Variants in DLGAP2 observed in about 807,000 individuals in gnomAD.
The protein encoded by DLGAP2 is disks large-associated protein 2.
Under a neutral mutation model 100.3 loss-of-function variants are expected in DLGAP2, and 26 were observed. The observed-to-expected ratio is 0.26, with a 90% CI of 0.19 to 0.36. The LOEUF (loss-of-function observed/expected upper bound fraction) is 0.36. DLGAP2 is among the 10% of genes least tolerant of loss of function. DLGAP2 has a pLI of 1.00. For synonymous variants in DLGAP2, 886 were observed against 630.1 expected, an observed-to-expected ratio of 1.41 and a Z score of -6.08; for missense variants, 1,858 against 1,453.2, an observed-to-expected ratio of 1.28 and a Z score of -4.53.
At chr8:852,092 A>G (rs1484168816) in intron 1 of DLGAP2, among the ~76,000 whole-genome samples, 1 of 152,200 alleles carries the variant, frequency 6.6e-6, no homozygotes, top group Non-Finnish European at 1.5e-5. Context: ...GCTTTGGTGT[A>G]AATTTTGATT....
At chr8:1,214,995 T>C (rs548034545) in intron 2 of DLGAP2, among the ~76,000 whole-genome samples, 1 of 152,354 alleles carries the variant, frequency 6.6e-6, no homozygotes, top group East Asian at 1.9e-4. Context: ...CTCTGTGCTC[T>C]TGTATCTCAC....
intron 4 of DLGAP2, among the ~76,000 whole-genome samples, chr8:1,533,741 C>G (rs545374651): frequency 1.1e-4 from 17 of 152,128 alleles, no homozygotes; most frequent in African/African-American, 3.4e-4. Flanking sequence ...ATCAATAGTA[C>G]CTTAAAAATA....
At chr8:1,002,964 A>C (rs1001489861) in intron 2 of DLGAP2, 1 of 152,230 alleles carries the variant, frequency 6.6e-6, no homozygotes, top group African/African-American at 2.4e-5. Flanking sequence ...TGGGATAAAA[A>C]TCCTTTATAA....
At chr8:1,524,635 T>C (rs1018523510) in intron 4 of DLGAP2, among the ~76,000 whole-genome samples, 2 of 152,090 alleles carry the variant, frequency 1.3e-5, no homozygotes, top group Non-Finnish European at 2.9e-5. Context: ...CCATATCATC[T>C]TCTCAAAAAA....
chr8:852,956 G>T (rs1349549362), intron 1 of DLGAP2, among the ~76,000 whole-genome samples: 1 of 152,234 alleles, frequency 6.6e-6, no homozygotes, highest in East Asian at 1.9e-4. Context: ...CATGACGCTG[G>T]ATCTTCGCAG....
rs1371892121 is a variant in DLGAP2, at chr8:771,213, A to G, written c.18+33388A>G. Among the ~76,000 whole-genome samples, 5 of 152,230 alleles carry G rather than the reference A, an allele frequency of 3.3e-5. No homozygotes were observed. The East Asian group carries it at 5.8e-4, about 18-fold the overall frequency. On this transcript the variant is annotated intron_variant, in intron 1 of 14. Coordinates refer to ENST00000637795, the MANE Select transcript of DLGAP2 (RefSeq NM_001346810.2). ...TCATGCATATTGCTACTTTCTGTCC[A>G]CATCTACTTGCAAATGTCCTTAAGA...
chr8:1,271,598 A>G (rs921644856), intron 3 of DLGAP2, among the ~76,000 whole-genome samples: 2 of 152,160 alleles, frequency 1.3e-5, no homozygotes, highest in African/African-American at 2.4e-5. Flanking sequence ...AAATACAGCA[A>G]TGGTTGTACT....
chr8:867,475 A>T (rs1051950381), intron 1 of DLGAP2, among the ~76,000 whole-genome samples: 1 of 152,194 alleles, frequency 6.6e-6, no homozygotes, highest in Non-Finnish European at 1.5e-5. Flanking sequence ...CCTTCTTTCG[A>T]TACCCAAACT....
chr8:756,319 G>A (rs1256026135), intron 1 of DLGAP2, among the ~76,000 whole-genome samples: 1 of 152,124 alleles, frequency 6.6e-6, no homozygotes, highest in African/African-American at 2.4e-5. Flanking sequence ...GGGCAGGTTG[G>A]GGCTGACGGC....
intron 1 of DLGAP2, among the ~76,000 whole-genome samples, chr8:796,377 T>C (rs1292316199): frequency 6.6e-6 from 1 of 152,128 alleles, no homozygotes; most frequent in African/African-American, 2.4e-5. Flanking sequence ...CCGAACTGAC[T>C]TCTGCCTTTC....
At chr8:1,541,520 G>A (rs1584907532) in intron 4 of DLGAP2, among the ~76,000 whole-genome samples, 2 of 152,138 alleles carry the variant, frequency 1.3e-5, no homozygotes, top group African/African-American at 4.8e-5. Flanking sequence ...TGATGCTGAG[G>A]TATAGCCTCG....
intron 6 of DLGAP2, among the ~76,000 whole-genome samples, chr8:1,599,489 A>C (rs755557003): frequency 2.2e-4 from 34 of 152,098 alleles, no homozygotes; most frequent in Non-Finnish European, 2.2e-4. Flanking sequence ...ATTGTATGGG[A>C]GTCTAAGTCT....
In DLGAP2 at chr8:1,495,279, G is replaced by A. The variant is rs1182324848; in HGVS notation, c.107-6087G>A. 3.9e-5 allele frequency among the ~76,000 whole-genome samples: 6 copies of A among 152,064 alleles called. No homozygotes were observed. In the East Asian group the frequency reaches 5.8e-4, roughly 15 times the overall value. ...GCGACACCAGACAGCCAGTGCCAGC[G>A]TGCCAGGGCTGGCTCAGATGCCCGG... is the stretch of plus-strand genomic sequence containing the variant. On this transcript the variant is annotated intron_variant, in intron 3 of 14. Coordinates refer to ENST00000637795, the MANE Select transcript of DLGAP2 (RefSeq NM_001346810.2).
At chr8:1,426,725 A>G (rs1797246846) in intron 3 of DLGAP2, among the ~76,000 whole-genome samples, 1 of 152,204 alleles carries the variant, frequency 6.6e-6, no homozygotes, top group Non-Finnish European at 1.5e-5. Context: ...GTTAGTAAAA[A>G]CATATGCAAG....
intron 1 of DLGAP2, among the ~76,000 whole-genome samples, chr8:781,948 A>C (rs1221425376): frequency 6.6e-6 from 1 of 152,144 alleles, no homozygotes; most frequent in East Asian, 1.9e-4. Flanking sequence ...GGATGGAGAG[A>C]GGCTGATTAA....
In DLGAP2 at chr8:1,424,018, G is replaced by C. The variant is rs533521249; in HGVS notation, c.107-77348G>C. 1.1e-4 allele frequency among the ~76,000 whole-genome samples: 16 copies of C among 152,358 alleles called. No individual in the cohort carries two copies. The East Asian group carries it at 2.5e-3, about 24-fold the overall frequency. ...AAAAATAGCAGCCGGATTATTCAAAGCTCGTATCAGGCAGCCAGTTGGATG... is the reference window on the plus strand; with the variant it reads ...AAAAATAGCAGCCGGATTATTCAAACCTCGTATCAGGCAGCCAGTTGGATG... On this transcript the variant is annotated intron_variant, in intron 3 of 14. Transcript: ENST00000637795.
intron 6 of DLGAP2, among the ~76,000 whole-genome samples, chr8:1,581,987 C>G (rs1308754200): frequency 6.6e-6 from 1 of 151,062 alleles, no homozygotes; most frequent in Non-Finnish European, 1.5e-5. Context: ...ATGTACACAC[C>G]ACAGTCAAAC....
chr8:1,320,599 C>T (rs1800873757), intron 3 of DLGAP2, among the ~76,000 whole-genome samples: 1 of 152,196 alleles, frequency 6.6e-6, no homozygotes, highest in South Asian at 2.1e-4. Flanking sequence ...GCTCTCTCAA[C>T]TTCTCGAACA....
intron 1 of DLGAP2, among the ~76,000 whole-genome samples, chr8:760,356 A>G (rs936438742): frequency 7.2e-5 from 11 of 151,812 alleles, no homozygotes; most frequent in African/African-American, 1.7e-4. Flanking sequence ...TAACCCTTTC[A>G]TCTCTCTCCT....
Sources: allele counts gnomAD v4.1 joint callset (sites outside exome capture counted in the v4.1 genomes callset), GRCh38; gene constraint gnomAD v4.1.1; transcripts MANE v1.5; gene names NCBI Gene and HGNC (gene_info 2026-07-23, HGNC 2026-07-21).